The following SMIM40 variants were observed in gnomAD, a reference collection of about 807,000 sequenced individuals.
SMIM40 encodes small integral membrane protein 40.
intron 1 of SMIM40, among the ~76,000 whole-genome samples, chr6:33,325,173 C>T (rs1771090595): frequency 6.7e-6 from 1 of 148,992 alleles, no homozygotes; most frequent in South Asian, 2.1e-4. Context: ...TTGAGACCAG[C>T]CTGGCCAACA....
intron 1 of SMIM40, among the ~76,000 whole-genome samples, chr6:33,324,490 A>G (rs563845095): frequency 6.6e-6 from 1 of 150,950 alleles, no homozygotes; most frequent in East Asian, 1.9e-4. Context: ...CCTGTTTAAA[A>G]TAAAGGGAAA....
intron 1 of SMIM40, among the ~76,000 whole-genome samples, chr6:33,328,037 G>A (rs2151011089): frequency 1.3e-5 from 2 of 148,796 alleles, no homozygotes; most frequent in East Asian, 4.0e-4. Context: ...AGTGAGCCGA[G>A]ATTGCACCAC....
At chr6:33,328,420 CTT>C in intron 1 of SMIM40, among the ~76,000 whole-genome samples, 1 of 151,822 alleles carries the variant, frequency 6.6e-6, no homozygotes. Context: ...GAACTCCTGA[CTT>C]TAGGTGATCC....
chr6:33,325,381 A>AAAAG (rs1562741721), intron 1 of SMIM40, among the ~76,000 whole-genome samples: 35 of 145,328 alleles, frequency 2.4e-4, no homozygotes, highest in Non-Finnish European at 3.1e-4. Flanking sequence ...AAAAAAAAAA[A>AAAAG]GGTTTTTTAT....
intron 1 of SMIM40, among the ~76,000 whole-genome samples, chr6:33,324,881 TC>T (rs1771056908): frequency 7.2e-5 from 1 of 13,908 alleles, no homozygotes; most frequent in Non-Finnish European, 1.4e-4. Context: ...CGAGATTATC[TC>T]AAAAAAAAAA....
At chr6:33,325,908 C>T (rs1010608238) in intron 1 of SMIM40, among the ~76,000 whole-genome samples, 2 of 148,198 alleles carry the variant, frequency 1.3e-5, no homozygotes, top group African/African-American at 5.2e-5. Context: ...ACATTCTGTT[C>T]TTATAATAAT....
chr6:33,324,882 C>CAAAAAAAAAAAAAAAAAAAA (rs376451265), intron 1 of SMIM40, among the ~76,000 whole-genome samples: 7 of 47,240 alleles, frequency 1.5e-4, no homozygotes, highest in African/African-American at 3.1e-4. Flanking sequence ...GAGATTATCT[C>CAAAAAAAAAAAAAAAAAAAA]AAAAAAAAAA....
intron 1 of SMIM40, among the ~76,000 whole-genome samples, chr6:33,324,880 C>A (rs1771055691): frequency 4.5e-5 from 1 of 21,998 alleles, no homozygotes; most frequent in Non-Finnish European, 9.0e-5. Flanking sequence ...GCGAGATTAT[C>A]TCAAAAAAAA....
At chr6:33,324,882 CAAAAAAAAAAAAAA>C (rs376451265) in intron 1 of SMIM40, among the ~76,000 whole-genome samples, 4 of 47,232 alleles carry the variant, frequency 8.5e-5, no homozygotes, top group Admixed American at 4.1e-4. Context: ...GAGATTATCT[CAAAAAAAAAAAAAA>C]AAAAAAAAAA....
chr6:33,329,180 C>G lies in SMIM40; in HGVS notation c.86G>C (p.Arg29Pro). Residue 29 changes from arginine to proline, a missense_variant, in exon 1 of 3, where the codon CGT becomes CCT. By Grantham distance (103) the Arg-to-Pro change is moderately radical. Transcript: ENST00000494082. ...GATAAAGAAAGCCTTGTCCAAGGCACGTCGCACGGGACCCCTGGGAGGGGA... is the reference window on the plus strand; with the variant it reads ...GATAAAGAAAGCCTTGTCCAAGGCAGGTCGCACGGGACCCCTGGGAGGGGA... ...GPSPPRGPVRRALDKAFFIFL... is the reference protein window; with the variant it reads ...GPSPPRGPVRPALDKAFFIFL... 2.5e-6 allele frequency: 1 copy of G among 398,748 alleles called. No individual in the cohort carries two copies. Among genetic ancestry groups the G allele is most frequent in the East Asian group, 3.6e-5 (1 of 28,094 alleles). 24.7% of individuals were successfully genotyped at this position (398,748 alleles called of 1,614,324 possible).
intron 1 of SMIM40, among the ~76,000 whole-genome samples, chr6:33,327,169 TC>T (rs779514170): frequency 7.6e-5 from 9 of 118,894 alleles, no homozygotes; most frequent in Non-Finnish European, 1.6e-4. Flanking sequence ...ATGCTGTAAT[TC>T]CAGCACTTTG....
At chr6:33,324,981 C>G (rs1771076635) in intron 1 of SMIM40, among the ~76,000 whole-genome samples, 1 of 150,094 alleles carries the variant, frequency 6.7e-6, no homozygotes, top group Admixed American at 6.7e-5. Flanking sequence ...CTCACTGTAA[C>G]CTCAAATTCC....
chr6:33,324,576 G>A (rs909085656), intron 1 of SMIM40, among the ~76,000 whole-genome samples: 1 of 46,732 alleles, frequency 2.1e-5, no homozygotes, highest in Non-Finnish European at 4.4e-5. Context: ...CCTTTCTTTT[G>A]TCTTTTTTTT....
chr6:33,325,342 G>A (rs1279956979), intron 1 of SMIM40, among the ~76,000 whole-genome samples: 1 of 133,102 alleles, frequency 7.5e-6, no homozygotes, highest in Non-Finnish European at 1.5e-5. Flanking sequence ...CTCCAGCCTG[G>A]CGACAGAGCA....
rs959950892 is a variant in SMIM40, at chr6:33,328,611, G to C, written c.*39+376C>G. Among the ~76,000 whole-genome samples, 4 of 150,480 alleles carry C rather than the reference G, an allele frequency of 2.7e-5. No individual in the cohort carries two copies. In the South Asian group the frequency reaches 8.5e-4, roughly 32 times the overall value. On this transcript the variant is annotated intron_variant, in intron 1 of 2. Coordinates refer to ENST00000494082, the MANE Select transcript of SMIM40 (RefSeq NM_001369203.1). Reference sequence around the variant, plus strand: ...AGAATTTAAGACTGCTGCCCTGGCCGGGCGCAGTGGCTCACACCTGTAATC... The same window carrying C: ...AGAATTTAAGACTGCTGCCCTGGCCCGGCGCAGTGGCTCACACCTGTAATC...
intron 1 of SMIM40, 90 bp downstream of exon 1, chr6:33,328,886 CAAAAAAAAAAA>C (rs9280408): frequency 1.1e-5 from 3 of 275,592 alleles, no homozygotes; most frequent in East Asian, 6.6e-5. Flanking sequence ...AACTCCATCT[CAAAAAAAAAAA>C]AAAAAAAAAA....
intron 1 of SMIM40, among the ~76,000 whole-genome samples, chr6:33,327,175 A>C (rs1771248596): frequency 6.7e-6 from 1 of 148,858 alleles, no homozygotes; most frequent in Non-Finnish European, 1.5e-5. Context: ...TAATTCCAGC[A>C]CTTTGGGAGG....
intron 1 of SMIM40, among the ~76,000 whole-genome samples, chr6:33,325,364 CAAAAAAAA>C (rs9282494): frequency 1.1e-5 from 1 of 89,362 alleles, no homozygotes; most frequent in African/African-American, 5.0e-5. Context: ...GACTCTGTCT[CAAAAAAAA>C]AAAAAAAAAG....
intron 1 of SMIM40, among the ~76,000 whole-genome samples, chr6:33,325,364 C>CAAA (rs9282494): frequency 0.44 from 39,103 of 88,426 alleles, 8,232 homozygotes; most frequent in South Asian, 0.57. Flanking sequence ...GACTCTGTCT[C>CAAA]AAAAAAAAAA....
Sources: allele counts gnomAD v4.1 joint callset (sites outside exome capture counted in the v4.1 genomes callset), GRCh38; gene constraint gnomAD v4.1.1; transcripts MANE v1.5; gene names NCBI Gene and HGNC (gene_info 2026-07-23, HGNC 2026-07-21).